The following UBR3 variants were observed in gnomAD, a reference collection of about 807,000 sequenced individuals.
The protein encoded by UBR3 is E3 ubiquitin-protein ligase UBR3.
Under a neutral mutation model 243.2 loss-of-function variants are expected in UBR3, and 85 were observed. That is an observed-to-expected ratio of 0.35 (90% CI 0.29 to 0.42). The LOEUF (loss-of-function observed/expected upper bound fraction) is 0.42, where lower values mean the gene tolerates loss of function less well. UBR3 is among the 10% of genes least tolerant of loss of function. The probability of loss-of-function intolerance (pLI) is 1.00; values close to 1 mark genes in which losing one functional copy is unlikely to be tolerated. For synonymous variants in UBR3, 748 were observed against 799.8 expected (o/e 0.94, Z 1.09); for missense variants, 1,686 against 2,300.8 (o/e 0.73, Z 5.47).
chr2:170,060,067 A>C (rs1251059062), intron 33 of UBR3, among the ~76,000 whole-genome samples: 1 of 152,198 alleles, frequency 6.6e-6, no homozygotes, highest in Non-Finnish European at 1.5e-5. Flanking sequence ...TCTCTGATCC[A>C]AACTATCAGT....
At position 169,980,745 on chromosome 2, in the gene UBR3, C is replaced by T. The variant is rs577241394; in HGVS notation, c.3635-5900C>T. ...ACTCATCATTTAGCATTAGGTATAT[C>T]TCCTAATGCTATCCCTCCCCCCTCC... On this transcript the variant is annotated intron_variant, in intron 24 of 38. Transcript: ENST00000272793. Among the ~76,000 whole-genome samples the T allele has an allele frequency of 4.7e-4, 71 of 150,486 alleles. 1 individual carries two copies. Among genetic ancestry groups the T allele is most frequent in the Middle Eastern group, 3.4e-3 (1 of 292 alleles).
intron 5 of UBR3, among the ~76,000 whole-genome samples, chr2:169,887,191 T>C (rs2084134067): frequency 6.6e-6 from 1 of 152,242 alleles, no homozygotes; most frequent in Non-Finnish European, 1.5e-5. Context: ...CAAAATGTTT[T>C]GGACCTGTGT....
At chr2:169,982,648 T>G (rs13400318) in intron 24 of UBR3, among the ~76,000 whole-genome samples, 31,116 of 151,910 alleles carry the variant, frequency 0.2, 3,537 homozygotes, top group East Asian at 0.37. Context: ...CTAGAAAATA[T>G]TCCAGACGGA....
At chr2:169,847,136 T>TG (rs1439068611) in intron 1 of UBR3, among the ~76,000 whole-genome samples, 2 of 150,662 alleles carry the variant, frequency 1.3e-5, no homozygotes, top group Non-Finnish European at 3.0e-5. Flanking sequence ...CGCTGGCAGT[T>TG]GATCTTGTTT....
intron 6 of UBR3, among the ~76,000 whole-genome samples, chr2:169,893,457 C>A (rs1344510711): frequency 6.6e-6 from 1 of 152,202 alleles, no homozygotes; most frequent in East Asian, 1.9e-4. Context: ...GAAGCACTTA[C>A]CAATGAGAGC....
At chr2:170,005,050 C>T (rs901371509) in intron 27 of UBR3, among the ~76,000 whole-genome samples, 21 of 152,110 alleles carry the variant, frequency 1.4e-4, no homozygotes, top group Non-Finnish European at 2.9e-4. Context: ...AGTGAAACCC[C>T]GTCTCTACCA....
rs528022481 is a variant in UBR3, at chr2:170,035,621, C to T, written c.4557-5261C>T. 2.0e-5 allele frequency among the ~76,000 whole-genome samples: 3 copies of T among 151,926 alleles called. No individual in the cohort carries two copies. In the East Asian group the frequency reaches 5.8e-4, roughly 29 times the overall value. On this transcript the variant is annotated intron_variant, in intron 31 of 38. Coordinates refer to ENST00000272793, the MANE Select transcript of UBR3 (RefSeq NM_172070.4). ...TCAGTCATCTAATTTTGTTCTTCTT[C>T]GATTTTGTGTTAGCTATTCCAGCTG...
intron 30 of UBR3, among the ~76,000 whole-genome samples, chr2:170,018,693 A>G (rs978290880): frequency 3.9e-5 from 6 of 152,212 alleles, no homozygotes; most frequent in Non-Finnish European, 7.3e-5. Context: ...TTTGAACAAG[A>G]CTTTGAAAGA....
rs373265395 is a variant in UBR3, at chr2:169,890,579, A to ATATG, written c.1039-585_1039-584insATGT. On this transcript the variant is annotated intron_variant, in intron 5 of 38. Transcript: ENST00000272793. Reference sequence around the variant, plus strand: ...TATATATATATGTGTATATATATATATGTATATATATATGTATATATATGT... The same window carrying ATATG: ...TATATATATATGTGTATATATATATATATGTGTATATATATATGTATATATATGT... Among the ~76,000 whole-genome samples, 149 of 61,268 alleles carry ATATG rather than the reference A, an allele frequency of 2.4e-3. 2 individuals are homozygous for ATATG. Among genetic ancestry groups the ATATG allele is most frequent in the Middle Eastern group, 8.1e-3 (1 of 124 alleles). 40.2% of individuals were successfully genotyped at this position (61,268 alleles called of 152,430 possible). A position where few individuals can be genotyped will look rare whatever the true frequency, so the allele number is the denominator to read the frequency against.
At chr2:169,847,747 C>T (rs562295586) in intron 1 of UBR3, among the ~76,000 whole-genome samples, 1 of 152,170 alleles carries the variant, frequency 6.6e-6, no homozygotes, top group Non-Finnish European at 1.5e-5. Flanking sequence ...TGTTGAATTA[C>T]AAGTTTTCCA....
chr2:169,863,913 T>C (rs2083169685), intron 1 of UBR3, among the ~76,000 whole-genome samples: 1 of 152,202 alleles, frequency 6.6e-6, no homozygotes, highest in Admixed American at 6.5e-5. Flanking sequence ...TTTGCATGCC[T>C]AGCCTACCTC....
At chr2:169,841,599 C>G (rs1489389742) in intron 1 of UBR3, among the ~76,000 whole-genome samples, 3 of 152,198 alleles carry the variant, frequency 2.0e-5, no homozygotes, top group Non-Finnish European at 4.4e-5. Context: ...TCCGGGTGGG[C>G]GTGGGCTTGG....
intron 1 of UBR3, among the ~76,000 whole-genome samples, chr2:169,836,224 C>T (rs963298639): frequency 2.7e-5 from 4 of 150,764 alleles, no homozygotes; most frequent in African/African-American, 7.3e-5. Flanking sequence ...GCTGGGATTA[C>T]AGGCGGCCGC....
chr2:170,026,637 AT>A (rs1189903973), intron 30 of UBR3, among the ~76,000 whole-genome samples: 1 of 152,158 alleles, frequency 6.6e-6, no homozygotes, highest in Non-Finnish European at 1.5e-5. Flanking sequence ...TTATAAATGA[AT>A]TTAAAGGTAT....
chr2:169,882,597 T>G (rs1476773165), intron 5 of UBR3, among the ~76,000 whole-genome samples: 2 of 151,016 alleles, frequency 1.3e-5, no homozygotes, highest in African/African-American at 2.4e-5. Context: ...AAAAATTAGC[T>G]GAACATGCTG....
intron 27 of UBR3, among the ~76,000 whole-genome samples, chr2:170,001,710 A>G (rs1394519086): frequency 6.6e-6 from 1 of 151,996 alleles, no homozygotes; most frequent in African/African-American, 2.4e-5. Flanking sequence ...AGCCTGGCCA[A>G]CGTGGCCACC....
intron 24 of UBR3, among the ~76,000 whole-genome samples, chr2:169,959,713 G>A (rs1018117385): frequency 2.6e-5 from 4 of 152,084 alleles, no homozygotes; most frequent in Non-Finnish European, 5.9e-5. Context: ...TTCATTCCAA[G>A]TCTAAAACCC....
intron 32 of UBR3, among the ~76,000 whole-genome samples, chr2:170,053,362 ATACCC>A (rs1225123264): frequency 6.6e-6 from 1 of 152,200 alleles, no homozygotes; most frequent in Non-Finnish European, 1.5e-5. Flanking sequence ...CTCTAATGAG[ATACCC>A]TGGTATCCAT....
At chr2:169,991,816 T>G (rs555369344) in intron 25 of UBR3, among the ~76,000 whole-genome samples, 117 of 152,238 alleles carry the variant, frequency 7.7e-4, no homozygotes, top group African/African-American at 2.5e-3. Flanking sequence ...TCTCCTGACC[T>G]TGTGATCTGC....
Sources: gnomAD v4.1 joint callset for allele counts (sites outside exome capture counted in the v4.1 genomes callset) on GRCh38, gnomAD v4.1.1 for gene constraint, MANE v1.5 for transcripts, NCBI Gene and HGNC (gene_info 2026-07-23, HGNC 2026-07-21) for gene names.